XRN2: variants seen among roughly 807,000 people sequenced by gnomAD.
The protein encoded by XRN2 is 5'-3' exoribonuclease 2.
Under a neutral mutation model 138.5 loss-of-function variants are expected in XRN2, and 44 were observed. The observed-to-expected ratio is 0.32, with a 90% CI of 0.25 to 0.41. XRN2 has a LOEUF of 0.41. Among genes scored for constraint, XRN2 ranks in the 10% least tolerant of loss-of-function variants. The pLI, the probability that XRN2 is intolerant of heterozygous loss-of-function variation, is 1.00. For synonymous variants in XRN2, 354 were observed against 369.4 expected, an observed-to-expected ratio of 0.96 and a Z score of 0.48; for missense variants, 937 against 1,169.3, an observed-to-expected ratio of 0.80 and a Z score of 2.90.
chr20:21,358,859 T>G (rs1026911399), intron 24 of XRN2, among the ~76,000 whole-genome samples: 1 of 152,224 alleles, frequency 6.6e-6, no homozygotes, highest in East Asian at 1.9e-4. Context: ...GCCACGCTCC[T>G]AAACCCATCA....
chr20:21,309,812 G>A lies in XRN2; in HGVS notation c.75+6339G>A, dbSNP rs539104186. Among the ~76,000 whole-genome samples, 9 of 151,646 alleles carry A rather than the reference G, an allele frequency of 5.9e-5. 1 individual carries two copies. In the South Asian group the frequency reaches 1.9e-3, roughly 32 times the overall value. On this transcript the variant is annotated intron_variant, in intron 1 of 29. Coordinates refer to ENST00000377191, the MANE Select transcript of XRN2 (RefSeq NM_012255.5). ...CCTTTTAATATTGTTAGAATCTGTAGTGATGTTACCTCTTTCATTCCTGAT... is the reference window on the plus strand; with the variant it reads ...CCTTTTAATATTGTTAGAATCTGTAATGATGTTACCTCTTTCATTCCTGAT...
intron 21 of XRN2, 41 bp from the exon 22 acceptor site, chr20:21,356,039 A>G (rs750804006): frequency 6.5e-6 from 10 of 1,536,404 alleles, no homozygotes; most frequent in South Asian, 2.4e-5. Context: ...TGCAGGTACA[A>G]TTTTTTTATG....
chr20:21,384,047 G>T (rs889953503), intron 28 of XRN2, among the ~76,000 whole-genome samples: 21 of 152,124 alleles, frequency 1.4e-4, no homozygotes, highest in African/African-American at 5.1e-4. Context: ...AATTTTGAGT[G>T]TCTTTTTTTT....
At chr20:21,384,840 T>G (rs993965964) in intron 28 of XRN2, among the ~76,000 whole-genome samples, 67 of 152,176 alleles carry the variant, frequency 4.4e-4, no homozygotes, top group African/African-American at 1.6e-3. Flanking sequence ...TGTGCTTCTA[T>G]CCCAGATTTT....
intron 3 of XRN2, among the ~76,000 whole-genome samples, chr20:21,328,230 T>G (rs768425448): frequency 6.6e-6 from 1 of 152,164 alleles, no homozygotes; most frequent in Non-Finnish European, 1.5e-5. Context: ...AAGTGAGCTT[T>G]CTTTCTTGGG....
intron 13 of XRN2, among the ~76,000 whole-genome samples, chr20:21,335,965 A>G (rs190900538): frequency 2.5e-4 from 38 of 152,324 alleles, no homozygotes; most frequent in Admixed American, 9.1e-4. Context: ...CAAAAACGCA[A>G]TAGGAAAGTT....
At chr20:21,318,868 A>C (rs1285989847) in intron 1 of XRN2, among the ~76,000 whole-genome samples, 10 of 152,024 alleles carry the variant, frequency 6.6e-5, no homozygotes, top group Admixed American at 2.6e-4. Context: ...TTTCGTGTAC[A>C]CCTGAGAATG....
rs77906218 is a variant in XRN2 at position 21,313,859 on chromosome 20, A to G, written c.75+10386A>G. On this transcript the variant is annotated intron_variant, in intron 1 of 29. Transcript: ENST00000377191. ...GGTGGACATTTATCCTTGACCCTACATTCTATTTTCTCTAATATGATTATT... is the reference window on the plus strand; with the variant it reads ...GGTGGACATTTATCCTTGACCCTACGTTCTATTTTCTCTAATATGATTATT... 5.8e-3 allele frequency among the ~76,000 whole-genome samples: 876 copies of G among 152,286 alleles called. 7 individuals are homozygous for G. Among genetic ancestry groups the G allele is most frequent in the African/African-American group, 0.02 (843 of 41,560 alleles).
intron 24 of XRN2, among the ~76,000 whole-genome samples, chr20:21,365,141 A>G (rs1185388918): frequency 6.6e-6 from 1 of 152,152 alleles, no homozygotes; most frequent in African/African-American, 2.4e-5. Context: ...CCTGTCTACA[A>G]TATCATTTTG....
intron 1 of XRN2, among the ~76,000 whole-genome samples, chr20:21,315,962 T>G (rs565478967): frequency 1.3e-5 from 2 of 152,344 alleles, no homozygotes; most frequent in Non-Finnish European, 2.9e-5. Flanking sequence ...AATAAAAGTT[T>G]AAAATTTTGT....
intron 1 of XRN2, among the ~76,000 whole-genome samples, chr20:21,317,630 C>T (rs1334416334): frequency 3.3e-5 from 5 of 152,152 alleles, no homozygotes; most frequent in Admixed American, 2.6e-4. Context: ...CTATGCACAT[C>T]TTCTCGTATA....
intron 24 of XRN2, among the ~76,000 whole-genome samples, chr20:21,358,515 C>T (rs2038600914): frequency 6.6e-6 from 1 of 152,098 alleles, no homozygotes; most frequent in Non-Finnish European, 1.5e-5. Context: ...CTCAGGTATT[C>T]AAGAATTTGA....
At chr20:21,339,603 A>G (rs952326165) in intron 14 of XRN2, among the ~76,000 whole-genome samples, 2 of 152,176 alleles carry the variant, frequency 1.3e-5, no homozygotes, top group East Asian at 3.9e-4. Context: ...TAAATACGCC[A>G]TATCCCTGCT....
intron 1 of XRN2, among the ~76,000 whole-genome samples, chr20:21,316,237 A>C (rs2037957036): frequency 6.6e-6 from 1 of 152,218 alleles, no homozygotes; most frequent in Non-Finnish European, 1.5e-5. Context: ...CTGGGCAACA[A>C]GAGCAAAACT....
chr20:21,357,423 C>T (rs555212774), intron 23 of XRN2, among the ~76,000 whole-genome samples: 1 of 152,236 alleles, frequency 6.6e-6, no homozygotes, highest in East Asian at 1.9e-4. Flanking sequence ...TCTTGTTGCT[C>T]TACGTTTTGG....
rs367955344 is a variant in XRN2, at chr20:21,305,747, C to CT, written c.75+2290dup. On this transcript the variant is annotated intron_variant, in intron 1 of 29. Transcript: ENST00000377191. Reference sequence around the variant, plus strand: ...GTTTTCTTAGTTTTTATTCTTAATTCTTTTTTTTTTTTTTTTGAGACGGAG... The same window carrying CT: ...GTTTTCTTAGTTTTTATTCTTAATTCTTTTTTTTTTTTTTTTTGAGACGGAG... 4.9e-3 allele frequency among the ~76,000 whole-genome samples: 191 copies of CT among 39,140 alleles called. 45 individuals carry two copies. Among genetic ancestry groups the CT allele is most frequent in the South Asian group, 0.026 (12 of 456 alleles). The allele number at this position is 39,140 out of a possible 152,430, so 25.7% of individuals were successfully genotyped here. A position where few individuals can be genotyped will look rare whatever the true frequency, so the allele number is the denominator to read the frequency against.
rs2038682016 is a variant in XRN2, at chr20:21,365,423, T to C, written c.2258T>C (p.Ile753Thr). The C allele has an allele frequency of 1.9e-6, 3 of 1,612,798 alleles. No homozygotes were observed. Among genetic ancestry groups the C allele is most frequent in the East Asian group, 2.2e-5 (1 of 44,852 alleles). Residue 753 changes from isoleucine (I) to threonine (T), a missense_variant and splice_region_variant, in exon 25 of 30, where the codon ATT becomes ACT. Coordinates refer to ENST00000377191, the MANE Select transcript of XRN2 (RefSeq NM_012255.5). ...RDLTQNTVVS[I>T]NFKDPQFAED... Reference sequence around the variant, plus strand: ...AATTGTTTCTTGTTCTTTTCCAGTATTAATTTTAAAGACCCACAGTTTGCT... The same window carrying C: ...AATTGTTTCTTGTTCTTTTCCAGTACTAATTTTAAAGACCCACAGTTTGCT...
chr20:21,329,867 G>A (rs2038180302), intron 4 of XRN2, among the ~76,000 whole-genome samples: 1 of 149,332 alleles, frequency 6.7e-6, no homozygotes, highest in African/African-American at 2.5e-5. Context: ...GTGTGTGTGT[G>A]TGTGTGTGTG....
intron 27 of XRN2, among the ~76,000 whole-genome samples, chr20:21,377,257 G>GTTTTTTTTTTTTTTTTTTTTTTTTTTT (rs1166479171): frequency 9.9e-5 from 3 of 30,304 alleles, no homozygotes; most frequent in African/African-American, 3.8e-4. Flanking sequence ...TGATTTGTCG[G>GTTTTTTTTTTTTTTTTTTTTTTTTTTT]TTTTTTCTTT....
Sources: allele counts gnomAD v4.1 joint callset (sites outside exome capture counted in the v4.1 genomes callset), GRCh38; gene constraint gnomAD v4.1.1; transcripts MANE v1.5; gene names NCBI Gene and HGNC (gene_info 2026-07-23, HGNC 2026-07-21).